The following ABCC8 variants were observed in gnomAD, a reference collection of about 807,000 sequenced individuals.
ABCC8 encodes the protein ATP-binding cassette sub-family C member 8.
Under a neutral mutation model 188.0 loss-of-function variants are expected in ABCC8, and 137 were observed. The observed-to-expected ratio is 0.73, with a 90% CI of 0.63 to 0.84. The LOEUF is 0.84. Ranked by LOEUF, ABCC8 falls within the 40% of genes least tolerant of loss-of-function variation. The pLI, the probability that ABCC8 is intolerant of heterozygous loss-of-function variation, is 0.00. For missense variants in ABCC8, 1,750 were observed against 2,072.7 expected (o/e 0.84, Z 3.02); for synonymous variants, 797 against 846.5 (o/e 0.94, Z 1.01).
Position 17,442,747 on chromosome 11 carries a change from C to A in ABCC8, c.1603G>T (p.Ala535Ser), listed in dbSNP as rs1393328052. The A allele has an allele frequency of 8.7e-6, 14 of 1,613,844 alleles. No individual in the cohort carries two copies. Among genetic ancestry groups the A allele is most frequent in the Non-Finnish European group, 1.2e-5 (14 of 1,180,036 alleles). ...GAGATGGAGGTATAGATGGCAAAGG[C>A]CCTGAGGCTGGTCATCTCCTTCCTG... is the stretch of plus-strand genomic sequence containing the variant. Reference protein sequence around the residue: ...TRRKEMTSLRAFAIYTSISIF... With the variant: ...TRRKEMTSLRSFAIYTSISIF... The change falls in exon 10 of 39, where the codon GCC becomes TCC. Residue 535 changes from alanine to serine, a missense_variant. Physicochemically the swap from Ala to Ser is moderately conservative, Grantham distance 99. Transcript: ENST00000389817.
intron 6 of ABCC8, among the ~76,000 whole-genome samples, chr11:17,459,601 A>T (rs183232701): frequency 2.4e-4 from 37 of 152,338 alleles, no homozygotes; most frequent in Non-Finnish European, 3.8e-4. Flanking sequence ...CATTCTCTGC[A>T]TTATTTTCAG....
chr11:17,445,792 T>C (rs1956501097), intron 8 of ABCC8, among the ~76,000 whole-genome samples: 1 of 150,656 alleles, frequency 6.6e-6, no homozygotes, highest in Non-Finnish European at 1.5e-5. Flanking sequence ...TGAAAATCTC[T>C]ACCCCCAGTG....
rs375172221 is a variant in ABCC8 at position 17,413,395 on chromosome 11, C to T, written c.2474G>A (p.Arg825Gln). Residue 825 changes from arginine (R) to glutamine (Q), a missense_variant and splice_region_variant, in exon 20 of 39, where the codon CGG becomes CAG. Arg to Gln is a conservative substitution (Grantham distance 43). Coordinates refer to ENST00000389817, the MANE Select transcript of ABCC8 (RefSeq NM_000352.6). ...PHGDQTQIGE[R>Q]GINLSGGQRQ... Reference sequence around the variant, plus strand: ...AACCCCTCAGAGGCTGCTACTAACCCGTTCCCCAATCTGGGTCTGGTCTCC... The same window carrying T: ...AACCCCTCAGAGGCTGCTACTAACCTGTTCCCCAATCTGGGTCTGGTCTCC... 8.7e-6 allele frequency: 14 copies of T among 1,614,100 alleles called. No homozygotes were observed. The highest frequency in any genetic ancestry group is 1.1e-5 in the Non-Finnish European group (13 of 1,180,044).
chr11:17,448,260 A>G, intron 8 of ABCC8: 1 of 484,298 alleles, frequency 2.1e-6, no homozygotes, highest in Non-Finnish European at 3.8e-6. Flanking sequence ...TGATTTTTCT[A>G]TAGTTTATAA....
chr11:17,455,957 A>AAG (rs1554939897), intron 6 of ABCC8, among the ~76,000 whole-genome samples: 2 of 151,028 alleles, frequency 1.3e-5, no homozygotes, highest in African/African-American at 4.9e-5. Context: ...AAAAAAAAAA[A>AAG]AAGAAGTGGG....
rs370255622 is a variant in ABCC8, at chr11:17,404,708, G to A, written c.3400-39C>T. The A allele has an allele frequency of 3.2e-6, 5 of 1,569,420 alleles. No homozygotes were observed. Among genetic ancestry groups the A allele is most frequent in the African/African-American group, 1.4e-5 (1 of 73,714 alleles). On this transcript the variant is annotated intron_variant, in intron 27 of 38. Transcript: ENST00000389817. The surrounding 1 kb of genome is among the most constrained non-coding windows in gnomAD (Gnocchi z 4.7). The stretch of plus-strand genomic sequence containing the variant: ...GGGGGAGAGAGTGAGGTGAATTTTG[G>A]TATTGACTGTGTTTAGAGTGCTACT...
chr11:17,400,465 C>A (rs955800252), intron 29 of ABCC8, among the ~76,000 whole-genome samples: 6 of 152,162 alleles, frequency 3.9e-5, no homozygotes, highest in African/African-American at 1.4e-4. Flanking sequence ...TAGAAAAGAG[C>A]CCCAGCCTCG....
chr11:17,430,796 C>T lies in ABCC8; in HGVS notation c.1817+18G>A. On this transcript the variant is annotated intron_variant, in intron 12 of 38. Transcript: ENST00000389817. ...AGGACCTGCCTGCCCAGTGCCCTCG[C>T]CCGGACCCTCCCCTCACCTCACTAG... The T allele has an allele frequency of 6.2e-7, 1 of 1,613,604 alleles. No individual in the cohort carries two copies. Among genetic ancestry groups the T allele is most frequent in the Non-Finnish European group, 8.5e-7 (1 of 1,179,608 alleles).
In ABCC8 at chr11:17,442,779, G is replaced by A. The variant is rs765028814; in HGVS notation, c.1571C>T (p.Thr524Met). The A allele has an allele frequency of 2.0e-5, 33 of 1,613,902 alleles. No individual in the cohort carries two copies. Among genetic ancestry groups the A allele is most frequent in the East Asian group, 1.6e-4 (7 of 44,888 alleles). ...GCTGGTCATCTCCTTCCTGCGGGTC[G>A]TCTCCACCCGCGTGCGGAAGATGTT... Reference protein sequence around the residue: ...WENIFRTRVETTRRKEMTSLR... With the variant: ...WENIFRTRVEMTRRKEMTSLR... The change falls in exon 10 of 39, where the codon ACG becomes ATG. Residue 524 changes from threonine to methionine, a missense_variant. Physicochemically the swap from Thr to Met is moderately conservative, Grantham distance 81. Coordinates refer to ENST00000389817, the MANE Select transcript of ABCC8 (RefSeq NM_000352.6).
intron 16 of ABCC8, among the ~76,000 whole-genome samples, chr11:17,426,563 C>T (rs930909414): frequency 1.3e-5 from 2 of 152,176 alleles, no homozygotes; most frequent in South Asian, 2.1e-4. Flanking sequence ...TTATTGGTTA[C>T]ATCTGGATCT....
chr11:17,453,415 AT>A, intron 6 of ABCC8, 132 bp from the exon 7 acceptor site: 1 of 1,256,960 alleles, frequency 8.0e-7, no homozygotes, highest in Non-Finnish European at 1.1e-6. Context: ...GGCTTGTGCA[AT>A]TGTTTATGAG....
Position 17,403,272 on chromosome 11 carries a change from A to G in ABCC8, c.3558-519T>C, listed in dbSNP as rs148121234. Reference sequence around the variant, plus strand: ...AGGCCAGAGGTTTCCATGGCAACAGAATTGCCTCCTGCTCCCCAAAGCTGC... The same window carrying G: ...AGGCCAGAGGTTTCCATGGCAACAGGATTGCCTCCTGCTCCCCAAAGCTGC... On this transcript the variant is annotated intron_variant, in intron 28 of 38. Transcript: ENST00000389817. Among the ~76,000 whole-genome samples the G allele has an allele frequency of 1.6e-4, 24 of 152,284 alleles. 1 individual carries two copies. In the East Asian group the frequency reaches 4.4e-3, roughly 28 times the overall value.
chr11:17,394,482 T>C, intron 36 of ABCC8, 83 bp from the exon 37 acceptor site: 2 of 1,605,584 alleles, frequency 1.2e-6, no homozygotes, highest in South Asian at 1.1e-5. Flanking sequence ...TGGGGGGCTG[T>C]TGGAAAATGT....
intron 10 of ABCC8, among the ~76,000 whole-genome samples, chr11:17,434,415 A>G (rs918914235): frequency 2.0e-5 from 3 of 152,222 alleles, no homozygotes; most frequent in Admixed American, 2.0e-4. Flanking sequence ...TCTCCAGGAA[A>G]TTTATCCTGA....
At chr11:17,407,170 A>G (rs752805290) in intron 24 of ABCC8, 41 bp from the exon 25 acceptor site, 3 of 1,601,080 alleles carry the variant, frequency 1.9e-6, no homozygotes, top group Admixed American at 1.7e-5. Context: ...ACACATTTCC[A>G]TCCCTCTGAG....
rs1021481067 is a variant in ABCC8, at chr11:17,412,620, C to T, written c.2556+46G>A. On this transcript the variant is annotated intron_variant, in intron 21 of 38. Coordinates refer to ENST00000389817, the MANE Select transcript of ABCC8 (RefSeq NM_000352.6). ...GGGAGGTGGAGGTGGGCAGTTAGGC[C>T]TGGGAGGCAGCCAGAGACCAGGACC... The T allele has an allele frequency of 1.9e-6, 3 of 1,587,350 alleles. No individual in the cohort carries two copies. In the South Asian group the frequency reaches 3.4e-5, roughly 18 times the overall value.
intron 6 of ABCC8, among the ~76,000 whole-genome samples, chr11:17,458,353 G>A (rs1423952130): frequency 6.6e-6 from 1 of 152,242 alleles, no homozygotes; most frequent in Non-Finnish European, 1.5e-5. Context: ...AGAAAAAAAC[G>A]GCAATGATAA....
chr11:17,402,000 C>T (rs981594397), intron 29 of ABCC8, among the ~76,000 whole-genome samples: 7 of 152,204 alleles, frequency 4.6e-5, no homozygotes, highest in Non-Finnish European at 1.0e-4. Flanking sequence ...TTTCAGAATA[C>T]TTGTCACGTG....
chr11:17,475,698 G>C (rs548860273), intron 1 of ABCC8, among the ~76,000 whole-genome samples: 25 of 152,298 alleles, frequency 1.6e-4, no homozygotes, highest in Non-Finnish European at 2.9e-4. Context: ...TTAATAACTA[G>C]CAACTCTGCT....
Sources: allele counts gnomAD v4.1 joint callset (sites outside exome capture counted in the v4.1 genomes callset), GRCh38; gene constraint gnomAD v4.1.1; non-coding constraint Gnocchi (gnomAD v3.1); transcripts MANE v1.5; gene names NCBI Gene and HGNC (gene_info 2026-07-23, HGNC 2026-07-21).